MICU3: variants seen among roughly 807,000 people sequenced by gnomAD.
MICU3 encodes the protein mitochondrial calcium uptake 3.
Under a neutral mutation model 66.5 loss-of-function variants are expected in MICU3, and 62 were observed. The observed-to-expected ratio is 0.93, with a 90% CI of 0.76 to 1.15. The LOEUF is 1.15. Among genes scored for constraint, MICU3 ranks in the 50% most tolerant of loss-of-function variants. The pLI, the probability that MICU3 is intolerant of heterozygous loss-of-function variation, is 0.00. For synonymous variants in MICU3, 308 were observed against 240.7 expected (o/e 1.28, Z -2.59); for missense variants, 779 against 664.4 (o/e 1.17, Z -1.90).
intron 1 of MICU3, among the ~76,000 whole-genome samples, chr8:17,035,248 G>C (rs972378807): frequency 1.3e-5 from 2 of 152,152 alleles, no homozygotes; most frequent in African/African-American, 2.4e-5. Flanking sequence ...TTTATTAGCA[G>C]TGTGAGAACA....
chr8:17,082,602 G>A (rs72607369), intron 5 of MICU3, among the ~76,000 whole-genome samples: 22,959 of 152,002 alleles, frequency 0.15, 2,269 homozygotes, highest in East Asian at 0.38. Context: ...ACAGTGTCTC[G>A]CACATGGTAC....
chr8:17,089,446 A>T (rs974416818), intron 7 of MICU3, among the ~76,000 whole-genome samples: 5 of 152,126 alleles, frequency 3.3e-5, no homozygotes, highest in African/African-American at 1.2e-4. Context: ...TTACTTAGAA[A>T]ACATTATGTA....
At chr8:17,128,385 G>T in the MICU3 span, among the ~76,000 whole-genome samples, 1 of 152,012 alleles carries the variant, frequency 6.6e-6, no homozygotes, top group Admixed American at 6.6e-5. Context: ...AAAATCAAAG[G>T]CAACAATACA....
At chr8:17,036,124 A>C (rs11984869) in intron 1 of MICU3, among the ~76,000 whole-genome samples, 2,350 of 151,632 alleles carry the variant, frequency 0.015, 65 homozygotes, top group African/African-American at 0.054. Flanking sequence ...ATGTGTTCGG[A>C]GTTTCTTCCT....
At chr8:17,091,998 C>T (rs758207813) in intron 8 of MICU3, among the ~76,000 whole-genome samples, 1 of 152,026 alleles carries the variant, frequency 6.6e-6, no homozygotes, top group Non-Finnish European at 1.5e-5. Flanking sequence ...CTGCCTCAGC[C>T]TCCCAAGTAG....
rs1365420277 is a variant in MICU3, at chr8:17,114,202, G to A, written c.1366+1G>A. The A allele has an allele frequency of 1.9e-6, 3 of 1,566,826 alleles. No individual in the cohort carries two copies. The highest frequency in any genetic ancestry group is 3.4e-5 in the Admixed American group (2 of 58,654). ...TTTGCAAGTCGTTCTATAGGGCAAG[G>A]TAAGTAATCATCTACAAAAATTAAA... On this transcript the variant is annotated splice_donor_variant, in intron 12 of 14. Transcript: ENST00000318063. LOFTEE classifies it high-confidence loss of function.
At chr8:17,096,883 ACTT>A (rs1480349734) in intron 8 of MICU3, among the ~76,000 whole-genome samples, 1 of 151,692 alleles carries the variant, frequency 6.6e-6, no homozygotes, top group Non-Finnish European at 1.5e-5. Context: ...TAATATATTT[ACTT>A]CTTTTTCTTG....
intron 1 of MICU3, among the ~76,000 whole-genome samples, chr8:17,038,685 T>C (rs990359558): frequency 6.6e-6 from 1 of 152,088 alleles, no homozygotes; most frequent in African/African-American, 2.4e-5. Context: ...GACTTCATTG[T>C]TGACTTATTT....
chr8:17,068,007 C>G (rs1208150448), intron 2 of MICU3, among the ~76,000 whole-genome samples: 1 of 151,968 alleles, frequency 6.6e-6, no homozygotes, highest in Non-Finnish European at 1.5e-5. Flanking sequence ...GAACTAAAAT[C>G]AGTAATTATT....
At chr8:17,066,543 A>ATATATATATATATATATAT (rs1554518403) in intron 2 of MICU3, among the ~76,000 whole-genome samples, 1 of 104,914 alleles carries the variant, frequency 9.5e-6, no homozygotes, top group Admixed American at 1.1e-4. Flanking sequence ...ATATATATAG[A>ATATATATATATATATATAT]TTTTTTTTTT....
intron 3 of MICU3, among the ~76,000 whole-genome samples, chr8:17,072,614 G>A (rs1563331431): frequency 6.6e-6 from 1 of 151,678 alleles, no homozygotes; most frequent in Non-Finnish European, 1.5e-5. Flanking sequence ...AACAGAAGAG[G>A]GTAAGTGTCT....
chr8:17,087,277 T>A (rs1799573269), intron 7 of MICU3, among the ~76,000 whole-genome samples: 1 of 152,040 alleles, frequency 6.6e-6, no homozygotes. Flanking sequence ...ATCCATATTG[T>A]TATCTGTGAG....
At chr8:17,062,037 C>T (rs1051883385) in intron 1 of MICU3, among the ~76,000 whole-genome samples, 1 of 152,164 alleles carries the variant, frequency 6.6e-6, no homozygotes, top group African/African-American at 2.4e-5. Flanking sequence ...ACTTAAGAAT[C>T]TCCTAAGACC....
At chr8:17,135,735 C>G in the MICU3 span, among the ~76,000 whole-genome samples, 1 of 152,040 alleles carries the variant, frequency 6.6e-6, no homozygotes, top group South Asian at 2.1e-4. Flanking sequence ...TTCAAATTAA[C>G]ATTTTGCTGT....
At chr8:17,035,261 C>T (rs887434566) in intron 1 of MICU3, among the ~76,000 whole-genome samples, 2 of 152,062 alleles carry the variant, frequency 1.3e-5, no homozygotes, top group Non-Finnish European at 2.9e-5. Flanking sequence ...TGAGAACAGA[C>T]TAACAGAGTA....
chr8:17,062,387 C>T (rs1817972814), intron 1 of MICU3, among the ~76,000 whole-genome samples: 1 of 152,168 alleles, frequency 6.6e-6, no homozygotes, highest in African/African-American at 2.4e-5. Flanking sequence ...TAAAGACAGA[C>T]ACCACAACTT....
chr8:17,103,139 G>A (rs553533776), intron 9 of MICU3, among the ~76,000 whole-genome samples: 1 of 151,984 alleles, frequency 6.6e-6, no homozygotes, highest in South Asian at 2.1e-4. Context: ...ATCAGGTGTG[G>A]TCTTTGTTAC....
At position 17,064,195 on chromosome 8, in the gene MICU3, C is replaced by T. The variant is rs771460585; in HGVS notation, c.493C>T (p.Pro165Ser). Reference sequence around the variant, plus strand: ...ATGTGAAGGGCAGTTATTCATGACTCCGTATGATTTTATTTTGGCTGTTAC... The same window carrying T: ...ATGTGAAGGGCAGTTATTCATGACTTCGTATGATTTTATTTTGGCTGTTAC... ...IECEGQLFMTPYDFILAVTTD... is the reference protein window; with the variant it reads ...IECEGQLFMTSYDFILAVTTD... The change falls in exon 2 of 15, where the codon CCG becomes TCG. Residue 165 changes from proline (P) to serine (S), a missense_variant. Coordinates refer to ENST00000318063, the MANE Select transcript of MICU3 (RefSeq NM_181723.3). 9 of 1,612,364 alleles carry T rather than the reference C, an allele frequency of 5.6e-6. No homozygotes were observed. Among genetic ancestry groups the T allele is most frequent in the Middle Eastern group, 1.7e-4 (1 of 6,058 alleles).
chr8:17,056,246 T>G (rs556905419), intron 1 of MICU3, among the ~76,000 whole-genome samples: 25 of 152,338 alleles, frequency 1.6e-4, no homozygotes, highest in Non-Finnish European at 3.4e-4. Context: ...CTTACTCTTC[T>G]TTGAATAGTG....
Sources: gnomAD v4.1 joint callset for allele counts (sites outside exome capture counted in the v4.1 genomes callset) on GRCh38, gnomAD v4.1.1 for gene constraint, MANE v1.5 for transcripts, NCBI Gene and HGNC (gene_info 2026-07-23, HGNC 2026-07-21) for gene names.